The following TMEM167A variants were observed in gnomAD, a reference collection of about 807,000 sequenced individuals.
The protein encoded by TMEM167A is transmembrane protein 167A, also known as protein kish-A.
A neutral mutation model predicts 11.6 loss-of-function variants in TMEM167A; 8 were observed. The observed-to-expected ratio is 0.69, with a 90% CI of 0.40 to 1.24. TMEM167A has a LOEUF of 1.24. Among genes scored for constraint, TMEM167A ranks in the 50% most tolerant of loss-of-function variants. TMEM167A has a pLI of 0.01. For synonymous variants in TMEM167A, 22 were observed against 28.0 expected (o/e 0.79, Z 0.67); for missense variants, 62 against 87.0 (o/e 0.71, Z 1.14).
At chr5:83,063,515 T>G (rs1744435412) in intron 2 of TMEM167A, among the ~76,000 whole-genome samples, 1 of 152,128 alleles carries the variant, frequency 6.6e-6, no homozygotes, top group African/African-American at 2.4e-5. Flanking sequence ...TTTTTGGGTC[T>G]AATATTCTAG....
intron 3 of TMEM167A, among the ~76,000 whole-genome samples, chr5:83,060,821 A>C: frequency 6.9e-6 from 1 of 145,278 alleles, no homozygotes; most frequent in South Asian, 2.3e-4. Flanking sequence ...ACACTGCAAG[A>C]CTCCATCTCC....
chr5:83,077,279 C>T (rs1744698148), intron 1 of TMEM167A, 42 bp downstream of exon 1: 1 of 1,614,216 alleles, frequency 6.2e-7, no homozygotes, highest in Non-Finnish European at 8.5e-7. Context: ...TCCACAACCC[C>T]TTCTCGAAGA....
intron 1 of TMEM167A, among the ~76,000 whole-genome samples, chr5:83,068,437 ATAATCAAG>A (rs1380228563): frequency 6.6e-6 from 1 of 152,220 alleles, no homozygotes; most frequent in African/African-American, 2.4e-5. Context: ...CACAGCAGTT[ATAATCAAG>A]TAATCAAGTG....
intron 1 of TMEM167A, among the ~76,000 whole-genome samples, chr5:83,073,793 G>A (rs141130547): frequency 1.1e-4 from 17 of 152,346 alleles, no homozygotes; most frequent in African/African-American, 3.8e-4. Context: ...TTGAGGATCT[G>A]CTGTATTTCT....
rs763391878 is a variant in TMEM167A, at chr5:83,052,852, G to A, written c.*4232C>T. 2.2e-4 allele frequency: 34 copies of A among 152,012 alleles called. No homozygotes were observed. Among genetic ancestry groups the A allele is most frequent in the Non-Finnish European group, 3.5e-4 (24 of 67,890 alleles). 9.4% of individuals were successfully genotyped at this position (152,012 alleles called of 1,614,324 possible). A position where few individuals can be genotyped will look rare whatever the true frequency, so the allele number is the denominator to read the frequency against. On this transcript the variant is annotated 3_prime_UTR_variant, in exon 4 of 4. Coordinates refer to ENST00000502346, the MANE Select transcript of TMEM167A (RefSeq NM_174909.5). ...AGACAAAAGTAGGAGGCTCTTGAGA[G>A]TTCATCTTGACTTTTATTACACACT...
At chr5:83,058,879 G>A (rs1304326645) in intron 3 of TMEM167A, among the ~76,000 whole-genome samples, 1 of 152,080 alleles carries the variant, frequency 6.6e-6, no homozygotes. Flanking sequence ...CTGTATAAGT[G>A]AATGTAAAAC....
intron 3 of TMEM167A, among the ~76,000 whole-genome samples, chr5:83,058,122 T>A (rs1580172581): frequency 6.6e-6 from 1 of 152,102 alleles, no homozygotes; most frequent in Admixed American, 6.6e-5. Flanking sequence ...CAACTCTTTC[T>A]TAATGAAACT....
At chr5:83,072,759 T>C (rs547550692) in intron 1 of TMEM167A, among the ~76,000 whole-genome samples, 1 of 152,278 alleles carries the variant, frequency 6.6e-6, no homozygotes, top group South Asian at 2.1e-4. Context: ...CTCGAATGCC[T>C]GCCTCAGCCT....
intron 2 of TMEM167A, 22 bp from the exon 3 acceptor site, chr5:83,061,933 A>G: frequency 6.2e-7 from 1 of 1,602,516 alleles, no homozygotes; most frequent in Non-Finnish European, 8.5e-7. Flanking sequence ...AAAAAAAGAA[A>G]AAAAGTAGCT....
At chr5:83,061,950 T>C (rs775220405) in intron 2 of TMEM167A, 39 bp from the exon 3 acceptor site, 1 of 1,537,812 alleles carries the variant, frequency 6.5e-7, no homozygotes, top group Non-Finnish European at 9.0e-7. Context: ...AGCTATTGAT[T>C]ACTCGGAAAG....
At chr5:83,057,507 ATTGT>A (rs1188120754) in intron 3 of TMEM167A, among the ~76,000 whole-genome samples, 1 of 152,030 alleles carries the variant, frequency 6.6e-6, no homozygotes, top group Non-Finnish European at 1.5e-5. Context: ...CCAAAGAAAT[ATTGT>A]TTATTTTCTG....
rs775328689 is a variant in TMEM167A at position 83,055,649 on chromosome 5, C to T, written c.*1435G>A. 2.6e-5 allele frequency: 4 copies of T among 151,882 alleles called. No individual in the cohort carries two copies. Among genetic ancestry groups the T allele is most frequent in the Non-Finnish European group, 5.9e-5 (4 of 67,900 alleles). The allele number at this position is 151,882 out of a possible 1,614,324, so 9.4% of individuals were successfully genotyped here. A position where few individuals can be genotyped will look rare whatever the true frequency, so the allele number is the denominator to read the frequency against. On this transcript the variant is annotated 3_prime_UTR_variant, in exon 4 of 4. Transcript: ENST00000502346. Reference sequence around the variant, plus strand: ...TCAAACCAAAACCAAAAAACACCCCCAAACAAAAAACCACCACAGGCAACA... The same window carrying T: ...TCAAACCAAAACCAAAAAACACCCCTAAACAAAAAACCACCACAGGCAACA...
intron 1 of TMEM167A, chr5:83,071,394 T>G (rs1274378242): frequency 6.6e-6 from 1 of 152,172 alleles, no homozygotes; most frequent in East Asian, 1.9e-4. Context: ...TATCCCTTTT[T>G]GGGGGTGGAA....
chr5:83,072,400 A>C (rs541609495), intron 1 of TMEM167A, among the ~76,000 whole-genome samples: 108 of 152,340 alleles, frequency 7.1e-4, no homozygotes, highest in African/African-American at 2.5e-3. Context: ...AAAAAACAAA[A>C]ACTGATAAAA....
rs193278428 is a variant in TMEM167A at position 83,074,438 on chromosome 5, A to G, written c.3+2883T>C. The stretch of plus-strand genomic sequence containing the variant: ...AATGATTTTCTACATATCTTCTGCT[A>G]TAAGAGGAGAGAAAATACTTCACAT... On this transcript the variant is annotated intron_variant, in intron 1 of 3. Transcript: ENST00000502346. 9.2e-4 allele frequency among the ~76,000 whole-genome samples: 140 copies of G among 152,338 alleles called. No homozygotes were observed. In the Middle Eastern group the frequency reaches 0.014, roughly 15 times the overall value.
At chr5:83,065,200 T>C in intron 1 of TMEM167A, 83 bp from the exon 2 acceptor site, 2 of 855,194 alleles carry the variant, frequency 2.3e-6, no homozygotes, top group East Asian at 2.6e-5. Context: ...ACATTTAGAG[T>C]CATGTTTTTA....
intron 1 of TMEM167A, among the ~76,000 whole-genome samples, chr5:83,075,134 G>C (rs897407424): frequency 4.6e-5 from 7 of 151,874 alleles, no homozygotes; most frequent in African/African-American, 1.5e-4. Context: ...TCTGCCTAGA[G>C]AGGGAGAAAT....
intron 1 of TMEM167A, among the ~76,000 whole-genome samples, chr5:83,065,860 T>C (rs1020090866): frequency 2.6e-5 from 4 of 152,162 alleles, no homozygotes; most frequent in Admixed American, 1.3e-4. Context: ...AACAAAATCA[T>C]AGGTTTCCAG....
At chr5:83,059,608 G>A (rs185685681) in intron 3 of TMEM167A, among the ~76,000 whole-genome samples, 10 of 152,156 alleles carry the variant, frequency 6.6e-5, no homozygotes, top group Admixed American at 3.3e-4. Flanking sequence ...CATTGAGGAT[G>A]CTATTTTGTC....
Sources: gnomAD v4.1 joint callset for allele counts (sites outside exome capture counted in the v4.1 genomes callset) on GRCh38, gnomAD v4.1.1 for gene constraint, MANE v1.5 for transcripts, NCBI Gene and HGNC (gene_info 2026-07-23, HGNC 2026-07-21) for gene names.